TSPEAR: variants seen among roughly 807,000 people sequenced by gnomAD.
TSPEAR encodes the protein thrombospondin type laminin G domain and EAR repeats, also known as thrombospondin-type laminin G domain and EAR repeat-containing protein.
TSPEAR carries 69 observed loss-of-function variants against 71.6 expected under a neutral mutation model. That is an observed-to-expected ratio of 0.96 (90% CI 0.79 to 1.18). The LOEUF (loss-of-function observed/expected upper bound fraction) is 1.18, where lower values mean the gene tolerates loss of function less well. Ranked by LOEUF, TSPEAR falls within the 50% of genes most tolerant of loss-of-function variation. The pLI is 0.00. For synonymous variants in TSPEAR, 402 were observed against 387.2 expected, an observed-to-expected ratio of 1.04 and a Z score of -0.45; for missense variants, 971 against 894.9, an observed-to-expected ratio of 1.09 and a Z score of -1.09.
intron 1 of TSPEAR, among the ~76,000 whole-genome samples, chr21:44,663,420 C>G (rs1985598524): frequency 6.6e-6 from 1 of 151,932 alleles, no homozygotes; most frequent in Non-Finnish European, 1.5e-5. Context: ...AAGTAGGTAG[C>G]CTGAATAGTA....
intron 1 of TSPEAR, among the ~76,000 whole-genome samples, chr21:44,651,055 G>A (rs1984759266): frequency 1.3e-5 from 2 of 151,214 alleles, no homozygotes; most frequent in Admixed American, 6.6e-5. Context: ...CTGGGGAGAG[G>A]ACAGGTCTTG....
intron 2 of TSPEAR, among the ~76,000 whole-genome samples, chr21:44,557,124 A>G (rs1187559150): frequency 1.3e-5 from 2 of 152,182 alleles, no homozygotes; most frequent in East Asian, 1.9e-4. Context: ...GCATAATGTG[A>G]CGCCACGCAT....
At chr21:44,659,603 CAAAG>C (rs1407185173) in intron 1 of TSPEAR, among the ~76,000 whole-genome samples, 4 of 152,096 alleles carry the variant, frequency 2.6e-5, no homozygotes, top group African/African-American at 4.8e-5. Context: ...TGTTGGGAGA[CAAAG>C]AAATCAATAA....
chr21:44,638,070 C>T, intron 1 of TSPEAR: 1 of 1,613,238 alleles, frequency 6.2e-7, no homozygotes, highest in Non-Finnish European at 8.5e-7. Flanking sequence ...TCCTGCCAGC[C>T]CAGCTGCTGC....
At chr21:44,619,490 C>A (rs1183572787) in intron 1 of TSPEAR, among the ~76,000 whole-genome samples, 1 of 152,196 alleles carries the variant, frequency 6.6e-6, no homozygotes, top group Non-Finnish European at 1.5e-5. Flanking sequence ...GGAGGAAAAG[C>A]AATTAATGGA....
intron 1 of TSPEAR, among the ~76,000 whole-genome samples, chr21:44,696,542 C>G (rs1486280800): frequency 6.6e-6 from 1 of 152,184 alleles, no homozygotes; most frequent in African/African-American, 2.4e-5. Flanking sequence ...CTTCCTGACA[C>G]ACAGCAAGAC....
intron 1 of TSPEAR, chr21:44,580,205 G>A (rs373971735): frequency 1.2e-6 from 2 of 1,613,910 alleles, no homozygotes; most frequent in Non-Finnish European, 1.7e-6. Context: ...CTGCTGGCAG[G>A]AGGAAGAGGC....
intron 10 of TSPEAR, among the ~76,000 whole-genome samples, chr21:44,507,659 G>A (rs587599829): frequency 2.6e-4 from 40 of 152,348 alleles, no homozygotes; most frequent in Admixed American, 9.8e-4. Flanking sequence ...ATCCCGAGGC[G>A]TCTGCCTCAT....
At chr21:44,683,976 G>A (rs764028561) in intron 1 of TSPEAR, among the ~76,000 whole-genome samples, 6 of 152,088 alleles carry the variant, frequency 3.9e-5, no homozygotes, top group Non-Finnish European at 5.9e-5. Context: ...AATCAACAAC[G>A]TCCAAATCCA....
Position 44,612,820 on chromosome 21 carries a change from C to T in TSPEAR, c.83-44815G>A, listed in dbSNP as rs774758022. 2.2e-5 allele frequency: 36 copies of T among 1,612,804 alleles called. No homozygotes were observed. The highest frequency in any genetic ancestry group is 2.8e-5 in the Non-Finnish European group (33 of 1,179,808). On this transcript the variant is annotated intron_variant, in intron 1 of 11. Coordinates refer to ENST00000323084, the MANE Select transcript of TSPEAR (RefSeq NM_144991.3). The surrounding 1 kb of genome is among the most constrained non-coding windows in gnomAD (Gnocchi z 4.1). ...CCTCCTCCTGCCAGCCCAGCTGCTG[C>T]CACCCGGCCTCCTGCCTGTCCTTCC...
intron 2 of TSPEAR, among the ~76,000 whole-genome samples, chr21:44,538,143 C>T (rs2053123612): frequency 6.6e-6 from 1 of 152,192 alleles, no homozygotes; most frequent in South Asian, 2.1e-4. Flanking sequence ...GGCGGGCATT[C>T]TCATCAGCGT....
intron 1 of TSPEAR, chr21:44,579,805 C>G: frequency 1.2e-6 from 2 of 1,609,602 alleles, no homozygotes; most frequent in Non-Finnish European, 1.7e-6. Context: ...AGAGGAGGGA[C>G]ACGCAGGAGG....
chr21:44,585,406 C>T (rs182819125), intron 1 of TSPEAR, among the ~76,000 whole-genome samples: 1 of 152,320 alleles, frequency 6.6e-6, no homozygotes, highest in African/African-American at 2.4e-5. Flanking sequence ...GTGTTCATCC[C>T]CTCGGTCCCA....
intron 1 of TSPEAR, among the ~76,000 whole-genome samples, chr21:44,626,466 A>G (rs936566715): frequency 4.6e-5 from 7 of 152,328 alleles, no homozygotes; most frequent in Non-Finnish European, 1.0e-4. Flanking sequence ...TGCCTAGCAC[A>G]GCTACTTCAC....
chr21:44,616,726 G>A lies in TSPEAR; in HGVS notation c.83-48721C>T, dbSNP rs370828629. 5.9e-5 allele frequency among the ~76,000 whole-genome samples: 9 copies of A among 152,358 alleles called. 1 individual carries two copies. Among genetic ancestry groups the A allele is most frequent in the Admixed American group, 1.3e-4 (2 of 15,306 alleles). ...CACCGTGACAATGCGGCTGCGCACC[G>A]GACACCTGGCTCAGCGCAGGCAGCG... On this transcript the variant is annotated intron_variant, in intron 1 of 11. Coordinates refer to ENST00000323084, the MANE Select transcript of TSPEAR (RefSeq NM_144991.3).
chr21:44,631,497 A>C (rs1983254960), intron 1 of TSPEAR, among the ~76,000 whole-genome samples: 1 of 152,168 alleles, frequency 6.6e-6, no homozygotes, highest in Non-Finnish European at 1.5e-5. Flanking sequence ...CAGGCAGATC[A>C]TTTGAGGTTG....
chr21:44,525,604 C>T (rs782110949), intron 8 of TSPEAR, 49 bp downstream of exon 8: 1 of 1,586,000 alleles, frequency 6.3e-7, no homozygotes, highest in East Asian at 2.2e-5. Context: ...AAGTCTCGCT[C>T]TGCCCCTGGA....
intron 1 of TSPEAR, chr21:44,627,086 G>A: frequency 6.4e-7 from 1 of 1,554,632 alleles, no homozygotes; most frequent in Non-Finnish European, 8.7e-7. Context: ...AGAGCCCCAA[G>A]AACCTCACAC....
At chr21:44,533,957 G>A in intron 2 of TSPEAR, 34 bp from the exon 3 acceptor site, 2 of 1,546,412 alleles carry the variant, frequency 1.3e-6, no homozygotes, top group Non-Finnish European at 8.9e-7. Context: ...GGACGGGGCT[G>A]GGGGTAGGGG....
Sources: allele counts gnomAD v4.1 joint callset (sites outside exome capture counted in the v4.1 genomes callset), GRCh38; gene constraint gnomAD v4.1.1; non-coding constraint Gnocchi (gnomAD v3.1); transcripts MANE v1.5; gene names NCBI Gene and HGNC (gene_info 2026-07-23, HGNC 2026-07-21).